Variants in RPS6KC1 observed in about 807,000 individuals in gnomAD.
RPS6KC1 encodes the protein inactive ribosomal protein S6 kinase delta-1.
In RPS6KC1, 54 loss-of-function variants were observed where a neutral mutation model predicts 103.8. The ratio of observed to expected loss-of-function variants is 0.52; its 90% confidence interval spans 0.42 to 0.65. The LOEUF is 0.65. Among genes scored for constraint, RPS6KC1 ranks in the 30% least tolerant of loss-of-function variants. The probability of loss-of-function intolerance (pLI) is 0.00; values close to 1 mark genes in which losing one functional copy is unlikely to be tolerated. For missense variants in RPS6KC1, 1,151 were observed against 1,253.8 expected (o/e 0.92, Z 1.24); for synonymous variants, 439 against 438.7 (o/e 1.00, Z -0.01).
chr1:213,361,135 A>G, the RPS6KC1 span, among the ~76,000 whole-genome samples: 3 of 152,242 alleles, frequency 2.0e-5, no homozygotes, highest in Admixed American at 6.5e-5. Context: ...CCTTTTGTTC[A>G]GCTATGCCCT....
At chr1:213,457,130 G>C in the RPS6KC1 span, among the ~76,000 whole-genome samples, 1 of 152,194 alleles carries the variant, frequency 6.6e-6, no homozygotes, top group Non-Finnish European at 1.5e-5. Flanking sequence ...GTGAGGGCTG[G>C]AGGGAAGAGT....
At chr1:213,750,666 G>A in the RPS6KC1 span, among the ~76,000 whole-genome samples, 28 of 152,106 alleles carry the variant, frequency 1.8e-4, no homozygotes. Flanking sequence ...TGGAGTGTAG[G>A]TACTTCCAGG....
chr1:213,152,207 G>A (rs1221559864), intron 6 of RPS6KC1, among the ~76,000 whole-genome samples: 4 of 143,030 alleles, frequency 2.8e-5, no homozygotes, highest in Non-Finnish European at 6.1e-5. Context: ...CCTCCTGGAC[G>A]GGGCGGCTGG....
At chr1:213,108,215 T>G (rs1249411841) in intron 4 of RPS6KC1, among the ~76,000 whole-genome samples, 1 of 152,184 alleles carries the variant, frequency 6.6e-6, no homozygotes. Flanking sequence ...TTCTGTTTAC[T>G]TTTAGAAGTT....
At chr1:213,224,526 A>G (rs1050985239) in intron 8 of RPS6KC1, among the ~76,000 whole-genome samples, 3 of 152,230 alleles carry the variant, frequency 2.0e-5, no homozygotes, top group Admixed American at 2.0e-4. Flanking sequence ...TCAATAAGGT[A>G]TGCTATCCAA....
chr1:213,459,823 T>C, the RPS6KC1 span, among the ~76,000 whole-genome samples: 9 of 152,198 alleles, frequency 5.9e-5, no homozygotes, highest in Admixed American at 5.9e-4. Flanking sequence ...ACATTGTTAT[T>C]TCTGCCTTCA....
At chr1:213,517,938 A>G in the RPS6KC1 span, among the ~76,000 whole-genome samples, 52 of 152,014 alleles carry the variant, frequency 3.4e-4, no homozygotes, top group African/African-American at 7.2e-4. Context: ...ATATATTTAG[A>G]ATAGTTAGCT....
chr1:213,334,038 G>A, the RPS6KC1 span, among the ~76,000 whole-genome samples: 1 of 152,262 alleles, frequency 6.6e-6, no homozygotes, highest in Non-Finnish European at 1.5e-5. Context: ...CTTCAAGAAT[G>A]GGATTGGTAC....
the RPS6KC1 span, among the ~76,000 whole-genome samples, chr1:213,510,770 A>T: frequency 1.3e-5 from 2 of 152,164 alleles, no homozygotes; most frequent in Non-Finnish European, 2.9e-5. Context: ...ACTTAACCGT[A>T]TTCTACCATT....
chr1:213,187,794 A>G (rs946336371), intron 8 of RPS6KC1, among the ~76,000 whole-genome samples: 2 of 151,568 alleles, frequency 1.3e-5, no homozygotes, highest in East Asian at 3.9e-4. Context: ...ATTAATAGAT[A>G]TTTATAGAAT....
intron 6 of RPS6KC1, among the ~76,000 whole-genome samples, chr1:213,131,858 T>C (rs1039211636): frequency 2.0e-5 from 3 of 152,216 alleles, no homozygotes; most frequent in Non-Finnish European, 4.4e-5. Flanking sequence ...GTATGAGTTA[T>C]AAAAAAATCT....
intron 8 of RPS6KC1, among the ~76,000 whole-genome samples, chr1:213,183,648 G>T (rs1023720512): frequency 6.6e-6 from 1 of 152,046 alleles, no homozygotes; most frequent in African/African-American, 2.4e-5. Context: ...ACACAGCTAA[G>T]CCAGTGTTCA....
At chr1:213,070,481 C>G (rs1429077794) in intron 1 of RPS6KC1, among the ~76,000 whole-genome samples, 1 of 152,060 alleles carries the variant, frequency 6.6e-6, no homozygotes, top group Non-Finnish European at 1.5e-5. Flanking sequence ...TTTAATTGAG[C>G]AAAGAATGAT....
the RPS6KC1 span, among the ~76,000 whole-genome samples, chr1:213,359,408 G>A: frequency 6.6e-6 from 1 of 152,142 alleles, no homozygotes; most frequent in South Asian, 2.1e-4. Context: ...CCATTTGCTT[G>A]GTAGATCTTC....
chr1:213,551,728 G>A, the RPS6KC1 span, among the ~76,000 whole-genome samples: 26 of 152,052 alleles, frequency 1.7e-4, no homozygotes, highest in East Asian at 3.9e-4. Flanking sequence ...AAAGTCCATC[G>A]TTTACGCCGG....
At chr1:213,694,477 G>T in the RPS6KC1 span, among the ~76,000 whole-genome samples, 1 of 152,124 alleles carries the variant, frequency 6.6e-6, no homozygotes, top group African/African-American at 2.4e-5. Flanking sequence ...TAAGCCCATG[G>T]CTGATATCCT....
At chr1:213,807,259 T>G in the RPS6KC1 span, among the ~76,000 whole-genome samples, 3 of 152,208 alleles carry the variant, frequency 2.0e-5, no homozygotes, top group Non-Finnish European at 4.4e-5. Context: ...TTATGTGTCT[T>G]GGAGTTGCTC....
At chr1:213,614,084 A>G in the RPS6KC1 span, among the ~76,000 whole-genome samples, 25 of 152,336 alleles carry the variant, frequency 1.6e-4, no homozygotes, top group African/African-American at 5.5e-4. Context: ...AAGTTCACCA[A>G]GTCACAAAGC....
the RPS6KC1 span, among the ~76,000 whole-genome samples, chr1:213,814,221 T>C: frequency 6.6e-6 from 1 of 152,232 alleles, no homozygotes; most frequent in Non-Finnish European, 1.5e-5. Context: ...TACTCCTGCC[T>C]TCCGTGTCTA....
Sources: gnomAD v4.1 joint callset for allele counts (sites outside exome capture counted in the v4.1 genomes callset) on GRCh38, gnomAD v4.1.1 for gene constraint, MANE v1.5 for transcripts, NCBI Gene and HGNC (gene_info 2026-07-23, HGNC 2026-07-21) for gene names.